The following MBD3 variants were observed in gnomAD, a reference collection of about 807,000 sequenced individuals.
MBD3 encodes the protein methyl-CpG-binding domain protein 3.
Under a neutral mutation model 31.2 loss-of-function variants are expected in MBD3, and 13 were observed. That is an observed-to-expected ratio of 0.42 (90% confidence interval 0.27 to 0.66). The LOEUF (loss-of-function observed/expected upper bound fraction) is 0.66. Ranked by LOEUF, MBD3 falls within the 30% of genes least tolerant of loss-of-function variation. The pLI is 0.26. For synonymous variants in MBD3, 223 were observed against 187.4 expected (o/e 1.19, Z -1.55); for missense variants, 440 against 426.5 (o/e 1.03, Z -0.28).
chr19:1,583,625 AGGTGGGAGGATCACTTGAGGCCAG>A (rs2060663817), intron 3 of MBD3, among the ~76,000 whole-genome samples: 1 of 152,006 alleles, frequency 6.6e-6, no homozygotes, highest in Non-Finnish European at 1.5e-5. Flanking sequence ...TTGGAGGCCA[AGGTGGGAGGATCACTTGAGGCCAG>A]GAGCCTGAGA....
intron 1 of MBD3, among the ~76,000 whole-genome samples, chr19:1,591,378 CT>C (rs1599350498): frequency 1.3e-5 from 2 of 152,234 alleles, no homozygotes; most frequent in African/African-American, 4.8e-5. Flanking sequence ...TCCCCGCTCA[CT>C]TTTCTCACTT....
At chr19:1,588,974 A>G (rs560711234) in intron 1 of MBD3, among the ~76,000 whole-genome samples, 1 of 152,026 alleles carries the variant, frequency 6.6e-6, no homozygotes, top group South Asian at 2.1e-4. Flanking sequence ...ATGCTGAAAA[A>G]CCATTGACTC....
chr19:1,579,776 A>C (rs142938690), intron 5 of MBD3, among the ~76,000 whole-genome samples: 2 of 151,850 alleles, frequency 1.3e-5, no homozygotes, highest in Non-Finnish European at 2.9e-5. Context: ...TTCTATTTCT[A>C]TAAGTTCTTA....
intron 4 of MBD3, chr19:1,581,761 T>G: frequency 4.5e-6 from 1 of 223,524 alleles, no homozygotes. Flanking sequence ...GATGGGGTCT[T>G]GCTCTGTATC....
At chr19:1,579,392 T>A (rs1917296072) in intron 5 of MBD3, among the ~76,000 whole-genome samples, 1 of 151,622 alleles carries the variant, frequency 6.6e-6, no homozygotes, top group Admixed American at 6.6e-5. Context: ...GGCCTCCTCC[T>A]CGGGGCCTAC....
intron 2 of MBD3, 92 bp from the exon 3 acceptor site, chr19:1,584,769 C>T: frequency 3.0e-6 from 4 of 1,355,454 alleles, no homozygotes; most frequent in East Asian, 2.7e-5. Flanking sequence ...CCCTGCTTTG[C>T]CGGCGCCCCT....
In MBD3 at chr19:1,575,136, C is replaced by A; in HGVS notation, c.*3028G>T. ...CACGTGAGGCTCTTGCTGCTGCTGG[C>A]AAGTGCCAGAAGGGCTGCCATGGTG... On this transcript the variant is annotated 3_prime_UTR_variant, in exon 7 of 7. Coordinates refer to ENST00000434436, the MANE Select transcript of MBD3 (RefSeq NM_001281453.2). 2.4e-6 allele frequency: 1 copy of A among 415,198 alleles called. No individual in the cohort carries two copies. Among genetic ancestry groups the A allele is most frequent in the South Asian group, 1.7e-5 (1 of 58,320 alleles). The allele number at this position is 415,198 out of a possible 1,614,324, so 25.7% of individuals were successfully genotyped here.
intron 4 of MBD3, 52 bp downstream of exon 4, chr19:1,582,570 T>C: frequency 6.4e-7 from 1 of 1,561,422 alleles, no homozygotes; most frequent in Admixed American, 1.7e-5. Context: ...CTGCAGCACC[T>C]CCACCCCACC....
At chr19:1,586,592 T>C (rs1262787580) in intron 1 of MBD3, among the ~76,000 whole-genome samples, 1 of 151,914 alleles carries the variant, frequency 6.6e-6, no homozygotes, top group African/African-American at 2.4e-5. Flanking sequence ...CACTGCAACC[T>C]TGAACTCCTG....
chr19:1,574,897 G>A lies in MBD3; in HGVS notation c.*3267C>T, dbSNP rs1915339375. On this transcript the variant is annotated 3_prime_UTR_variant, in exon 7 of 7. Transcript: ENST00000434436. ...GCTGTCCCTGTCTGCCTGGGTCTGGGGGCTGCAGGGACAGCAAGGCACGGG... is the reference window on the plus strand; with the variant it reads ...GCTGTCCCTGTCTGCCTGGGTCTGGAGGCTGCAGGGACAGCAAGGCACGGG... 3.5e-6 allele frequency: 1 copy of A among 284,140 alleles called. No homozygotes were observed. Among genetic ancestry groups the A allele is most frequent in the African/African-American group, 2.3e-5 (1 of 43,670 alleles). 17.6% of individuals were successfully genotyped at this position (284,140 alleles called of 1,614,324 possible). A position where few individuals can be genotyped will look rare whatever the true frequency, so the allele number is the denominator to read the frequency against.
In MBD3 at chr19:1,585,284, C is replaced by T. The variant is rs1335030841; in HGVS notation, c.111-70G>A. 2.7e-6 allele frequency: 4 copies of T among 1,504,356 alleles called. No individual in the cohort carries two copies. Among genetic ancestry groups the T allele is most frequent in the Admixed American group, 4.0e-5 (2 of 50,296 alleles). 93.2% of individuals were successfully genotyped at this position (1,504,356 alleles called of 1,614,324 possible). A position where few individuals can be genotyped will look rare whatever the true frequency, so the allele number is the denominator to read the frequency against. On this transcript the variant is annotated intron_variant, in intron 1 of 6. Coordinates refer to ENST00000434436, the MANE Select transcript of MBD3 (RefSeq NM_001281453.2). This position sits in a 1 kb window ranked among gnomAD's most constrained non-coding sequence, Gnocchi z 4.1. ...CCCAAACCCAGGCCTCGGCCGCAGACCCAAACCCAGTCCCAGCCCCAGCTT... is the reference window on the plus strand; with the variant it reads ...CCCAAACCCAGGCCTCGGCCGCAGATCCAAACCCAGTCCCAGCCCCAGCTT...
intron 1 of MBD3, among the ~76,000 whole-genome samples, chr19:1,587,713 G>A (rs1452232164): frequency 6.6e-6 from 1 of 152,216 alleles, no homozygotes; most frequent in Non-Finnish European, 1.5e-5. Context: ...CCTGGCTGGT[G>A]TCTTTTATCT....
At chr19:1,579,966 C>T (rs1917312019) in intron 5 of MBD3, among the ~76,000 whole-genome samples, 1 of 152,294 alleles carries the variant, frequency 6.6e-6, no homozygotes, top group Non-Finnish European at 1.5e-5. Context: ...CCATGTTGGC[C>T]AGGCTGGTCT....
intron 1 of MBD3, among the ~76,000 whole-genome samples, chr19:1,588,368 C>T (rs1357665206): frequency 1.3e-5 from 2 of 152,148 alleles, no homozygotes; most frequent in Non-Finnish European, 2.9e-5. Flanking sequence ...ACCAAGAAAC[C>T]AGAGGCTGAG....
chr19:1,581,021 CG>C, intron 5 of MBD3, 70 bp downstream of exon 5: 1 of 1,561,886 alleles, frequency 6.4e-7, no homozygotes, highest in South Asian at 1.1e-5. Context: ...CGCAGGCACA[CG>C]GGGACACTCA....
rs769312978 is a variant in MBD3, at chr19:1,578,196, C to T, written c.*6-38G>A. On this transcript the variant is annotated intron_variant, in intron 6 of 6. Transcript: ENST00000434436. The surrounding 1 kb of genome is among the most constrained non-coding windows in gnomAD (Gnocchi z 6.1). ...GGGAGGGCTGGCTTTAGCGACTCCACGGGACGGGGACGCTTGGGCTCTTCT... is the reference window on the plus strand; with the variant it reads ...GGGAGGGCTGGCTTTAGCGACTCCATGGGACGGGGACGCTTGGGCTCTTCT... The T allele has an allele frequency of 3.7e-5, 50 of 1,352,090 alleles. No individual in the cohort carries two copies. Among genetic ancestry groups the T allele is most frequent in the South Asian group, 6.5e-5 (5 of 76,618 alleles). The allele number at this position is 1,352,090 out of a possible 1,614,324, so 83.8% of individuals were successfully genotyped here.
intron 3 of MBD3, among the ~76,000 whole-genome samples, chr19:1,583,688 T>C (rs924846819): frequency 6.6e-6 from 1 of 151,890 alleles, no homozygotes; most frequent in African/African-American, 2.4e-5. Flanking sequence ...AGAAACCCTG[T>C]CTCGAAAGTG....
At position 1,573,864 on chromosome 19, in the gene MBD3, T is replaced by C. The variant is rs1464817739; in HGVS notation, c.*4300A>G. 1 of 152,070 alleles carries C rather than the reference T, an allele frequency of 6.6e-6. No individual in the cohort carries two copies. Among genetic ancestry groups the C allele is most frequent in the African/African-American group, 2.4e-5 (1 of 41,412 alleles). The allele number at this position is 152,070 out of a possible 1,614,324, so 9.4% of individuals were successfully genotyped here. On this transcript the variant is annotated 3_prime_UTR_variant, in exon 7 of 7. Transcript: ENST00000434436. Reference sequence around the variant, plus strand: ...TAAAAGTACAAAGATTAGCTGGGTGTGGTGGCGGGCGCCCGTAATCTCAGC... The same window carrying C: ...TAAAAGTACAAAGATTAGCTGGGTGCGGTGGCGGGCGCCCGTAATCTCAGC...
At chr19:1,589,065 C>T (rs8110543) in intron 1 of MBD3, among the ~76,000 whole-genome samples, 24,503 of 152,128 alleles carry the variant, frequency 0.16, 2,183 homozygotes, top group Non-Finnish European at 0.2. Flanking sequence ...AATGCAGTGG[C>T]TCACACCTGT....
Sources: gnomAD v4.1 joint callset for allele counts (sites outside exome capture counted in the v4.1 genomes callset) on GRCh38, gnomAD v4.1.1 for gene constraint, Gnocchi (gnomAD v3.1) non-coding constraint, MANE v1.5 for transcripts, NCBI Gene and HGNC (gene_info 2026-07-23, HGNC 2026-07-21) for gene names.